The following XKR5 variants were observed in gnomAD, a reference collection of about 807,000 sequenced individuals.
XKR5 encodes XK related 5.
XKR5 carries 46 observed loss-of-function variants against 40.8 expected under a neutral mutation model. The observed-to-expected ratio is 1.13, with a 90% CI of 0.89 to 1.44. The LOEUF (loss-of-function observed/expected upper bound fraction) is 1.44. Ranked by LOEUF, XKR5 falls within the 40% of genes most tolerant of loss-of-function variation. The probability of loss-of-function intolerance (pLI) is 0.00; values close to 1 mark genes in which losing one functional copy is unlikely to be tolerated. For synonymous variants in XKR5, 466 were observed against 356.1 expected (o/e 1.31, Z -3.48); for missense variants, 1,169 against 844.7 (o/e 1.38, Z -4.76).
intron 5 of XKR5, among the ~76,000 whole-genome samples, chr8:6,818,938 A>T (rs766036093): frequency 7.2e-5 from 11 of 152,230 alleles, no homozygotes; most frequent in Non-Finnish European, 1.6e-4. Context: ...GTGACTCGGG[A>T]GGCTGAGGTG....
chr8:6,833,105 C>T (rs765966289), intron 1 of XKR5, among the ~76,000 whole-genome samples: 1 of 152,152 alleles, frequency 6.6e-6, no homozygotes, highest in Non-Finnish European at 1.5e-5. Flanking sequence ...CTTTGACATG[C>T]GAACTAAATC....
chr8:6,819,847 CTTCCT>C (rs1804149403), intron 5 of XKR5, among the ~76,000 whole-genome samples: 1 of 73,468 alleles, frequency 1.4e-5, no homozygotes, highest in South Asian at 6.6e-4. Flanking sequence ...TCTTCCCTAC[CTTCCT>C]TTCCTTCCTT....
At chr8:6,819,963 T>G (rs947077166) in intron 5 of XKR5, among the ~76,000 whole-genome samples, 2 of 151,270 alleles carry the variant, frequency 1.3e-5, no homozygotes, top group Non-Finnish European at 3.0e-5. Flanking sequence ...TTATTTATCT[T>G]TCAGAGCATC....
intron 5 of XKR5, among the ~76,000 whole-genome samples, chr8:6,817,511 C>G (rs1301380455): frequency 6.6e-6 from 1 of 152,028 alleles, no homozygotes; most frequent in Non-Finnish European, 1.5e-5. Context: ...CTCCCCACAC[C>G]GAGAGACTTG....
In XKR5 at chr8:6,820,116, C is replaced by T. The variant is rs540830921; in HGVS notation, c.807+1753G>A. On this transcript the variant is annotated intron_variant, in intron 5 of 6. Transcript: ENST00000618742. ...CGGTGACTCTCATACAGTTCAGAAC[C>T]GAAGGATCCTGGTATCAAGCCTTAG... Among the ~76,000 whole-genome samples the T allele has an allele frequency of 2.0e-4, 30 of 152,328 alleles. No individual in the cohort carries two copies. In the East Asian group the frequency reaches 2.9e-3, roughly 15 times the overall value.
chr8:6,835,413 C>T lies in XKR5; in HGVS notation c.58+23G>A, dbSNP rs547663625. Reference sequence around the variant, plus strand: ...GGGTTAGGGGCTGCAGGGGTGAGCACAGCCTCGGGCTGCCGCACTCACGCG... The same window carrying T: ...GGGTTAGGGGCTGCAGGGGTGAGCATAGCCTCGGGCTGCCGCACTCACGCG... On this transcript the variant is annotated intron_variant, in intron 1 of 6. Transcript: ENST00000618742. 2,030 of 1,458,532 alleles carry T rather than the reference C, an allele frequency of 1.4e-3. 2 individuals carry two copies. Among genetic ancestry groups the T allele is most frequent in the Non-Finnish European group, 1.7e-3 (1,940 of 1,111,670 alleles). 90.3% of individuals were successfully genotyped at this position (1,458,532 alleles called of 1,614,324 possible).
In XKR5 at chr8:6,811,623, C is replaced by T. The variant is rs373527039; in HGVS notation, c.1636G>A (p.Ala546Thr). Reference protein sequence around the residue: ...GQQSSTLYFSATAEVATSSQQ... With the variant: ...GQQSSTLYFSTTAEVATSSQQ... Reference sequence around the variant, plus strand: ...GAGGATGTGGCCACTTCTGCAGTGGCGCTGAAGTACAACGTGGAACTCTGC... The same window carrying T: ...GAGGATGTGGCCACTTCTGCAGTGGTGCTGAAGTACAACGTGGAACTCTGC... Residue 546 changes from alanine to threonine, a missense_variant, in exon 7 of 7, where the codon GCC becomes ACC. Transcript: ENST00000618742. 3.6e-5 allele frequency: 56 copies of T among 1,537,300 alleles called. No individual in the cohort carries two copies. The highest frequency in any genetic ancestry group is 3.3e-4 in the Middle Eastern group (2 of 6,014).
intron 4 of XKR5, among the ~76,000 whole-genome samples, chr8:6,822,765 ACT>A (rs1275205602): frequency 5.9e-5 from 9 of 151,990 alleles, no homozygotes; most frequent in Non-Finnish European, 1.2e-4. Flanking sequence ...AGCCAGATAG[ACT>A]CTCTGTCATT....
At chr8:6,822,200 A>G (rs1804273138) in intron 4 of XKR5, among the ~76,000 whole-genome samples, 162 bp from the exon 5 acceptor site, 1 of 152,240 alleles carries the variant, frequency 6.6e-6, no homozygotes, top group Non-Finnish European at 1.5e-5. Context: ...ACAGAAAACC[A>G]ACACAGTTTA....
In XKR5 at chr8:6,821,959, C is replaced by T. The variant is rs368531453; in HGVS notation, c.717G>A (p.Leu239=). The part of the protein sequence containing the change: ...DIIDSTCHWR[L]FNLLVGAVYI... Reference sequence around the variant, plus strand: ...ACACGGCCCCCACGAGCAGGTTGAACAGCCTCCAGTGGCAGGTGCTGTCGA... The same window carrying T: ...ACACGGCCCCCACGAGCAGGTTGAATAGCCTCCAGTGGCAGGTGCTGTCGA... Residue 239 remains leucine, a synonymous_variant, in exon 5 of 7, where the codon CTG becomes CTA. Transcript: ENST00000618742. 6.2e-7 allele frequency: 1 copy of T among 1,612,494 alleles called. No homozygotes were observed. Among genetic ancestry groups the T allele is most frequent in the Non-Finnish European group, 8.5e-7 (1 of 1,179,190 alleles).
At chr8:6,816,455 C>A (rs1470040617) in intron 5 of XKR5, among the ~76,000 whole-genome samples, 1 of 152,050 alleles carries the variant, frequency 6.6e-6, no homozygotes, top group Non-Finnish European at 1.5e-5. Flanking sequence ...AGGAGCCTGG[C>A]CCCGTGGCTG....
chr8:6,812,414 T>G, intron 6 of XKR5, 75 bp from the exon 7 acceptor site: 1 of 1,426,388 alleles, frequency 7.0e-7, no homozygotes, highest in Non-Finnish European at 9.3e-7. Flanking sequence ...CAGTTTCAGG[T>G]TCTGGCCCTT....
At chr8:6,830,050 G>C (rs1185139827) in intron 2 of XKR5, among the ~76,000 whole-genome samples, 1 of 151,616 alleles carries the variant, frequency 6.6e-6, no homozygotes, top group Non-Finnish European at 1.5e-5. Flanking sequence ...TGTTAGCCAG[G>C]ATGGTCTGGA....
chr8:6,825,961 C>G (rs180990571), intron 2 of XKR5, among the ~76,000 whole-genome samples: 3 of 152,218 alleles, frequency 2.0e-5, no homozygotes, highest in East Asian at 3.9e-4. Flanking sequence ...TGAAGTAGAT[C>G]AGGGCCCTGA....
In XKR5 at chr8:6,825,206, G is replaced by C; in HGVS notation, c.386C>G (p.Thr129Arg). 1 of 1,613,382 alleles carries C rather than the reference G, an allele frequency of 6.2e-7. No individual in the cohort carries two copies. The highest frequency in any genetic ancestry group is 8.5e-7 in the Non-Finnish European group (1 of 1,179,680). ...GAAGTCTGAGGCTAGAAAAACATAT[G>C]TCTGAAGCAGCAGGTGGGGCCCAGT... is the stretch of plus-strand genomic sequence containing the variant. ...LQTGPHLLLQTYVFLASDFTD... is the reference protein window; with the variant it reads ...LQTGPHLLLQRYVFLASDFTD... Residue 129 changes from threonine to arginine, a missense_variant, in exon 3 of 7, where the codon ACA (threonine) becomes AGA (arginine). Coordinates refer to ENST00000618742, the MANE Select transcript of XKR5 (RefSeq NM_207411.5).
Position 6,832,751 on chromosome 8 carries a change from T to C in XKR5, c.208A>G (p.Met70Val). The C allele has an allele frequency of 6.2e-7, 1 of 1,613,408 alleles. No individual in the cohort carries two copies. The highest frequency in any genetic ancestry group is 8.5e-7 in the Non-Finnish European group (1 of 1,179,694). ...DGHPGHCSLM[M>V]LHLLQLGVWK... is the part of the protein sequence containing the mutation. ...ACACCAAGCTGTAGGAGGTGCAGCA[T>C]CATCAAGGAGCAATGCCCTGGATGC... The change falls in exon 2 of 7, where the codon ATG (methionine) becomes GTG (valine). Residue 70 changes from methionine to valine, a missense_variant. By Grantham distance (21) the Met-to-Val change is conservative. Coordinates refer to ENST00000618742, the MANE Select transcript of XKR5 (RefSeq NM_207411.5).
In XKR5 at chr8:6,812,096, C is replaced by T; in HGVS notation, c.1163G>A (p.Gly388Glu). 1 of 1,544,652 alleles carries T rather than the reference C, an allele frequency of 6.5e-7. No homozygotes were observed. Among genetic ancestry groups the T allele is most frequent in the Non-Finnish European group, 8.7e-7 (1 of 1,146,964 alleles). The change falls in exon 7 of 7, where the codon GGG (glycine) becomes GAG (glutamate). Residue 388 changes from glycine (G) to glutamate (E), a missense_variant. Physicochemically the swap from Gly to Glu is moderately conservative, Grantham distance 98. Transcript: ENST00000618742. ...CTCCACAGCAACCTGGGTCCCCAGC[C>T]CAGCCTCTGGGGGGACCTGCTCAGG... ...PTPEQVPPEA[G>E]LGTQVAVEDS... is the part of the protein sequence containing the mutation.
At chr8:6,824,969 G>T (rs568895385) in intron 3 of XKR5, among the ~76,000 whole-genome samples, 196 bp downstream of exon 3, 1 of 152,332 alleles carries the variant, frequency 6.6e-6, no homozygotes, top group Non-Finnish European at 1.5e-5. Context: ...CCTTAAGAAA[G>T]AAGGGAGCCA....
chr8:6,814,884 C>A (rs529039102), intron 6 of XKR5, among the ~76,000 whole-genome samples: 6 of 152,282 alleles, frequency 3.9e-5, no homozygotes, highest in Non-Finnish European at 8.8e-5. Context: ...ATTCCTTTCC[C>A]AGGTCCAGGC....
Sources: gnomAD v4.1 joint callset for allele counts (sites outside exome capture counted in the v4.1 genomes callset) on GRCh38, gnomAD v4.1.1 for gene constraint, MANE v1.5 for transcripts, NCBI Gene and HGNC (gene_info 2026-07-23, HGNC 2026-07-21) for gene names.